The following C1orf146 variants were observed in gnomAD, a reference collection of about 807,000 sequenced individuals.
C1orf146 encodes the protein chromosome 1 open reading frame 146.
In C1orf146, 22 loss-of-function variants were observed where a neutral mutation model predicts 23.0. The ratio of observed to expected loss-of-function variants is 0.96; its 90% confidence interval spans 0.68 to 1.36. The LOEUF is 1.36. C1orf146 is among the 40% of genes most tolerant of loss of function. C1orf146 has a pLI of 0.00. For missense variants in C1orf146, 199 were observed against 206.8 expected (o/e 0.96, Z 0.23); for synonymous variants, 59 against 65.3 (o/e 0.90, Z 0.47).
At chr1:92,234,007 T>G (rs1652205160) in intron 2 of C1orf146, among the ~76,000 whole-genome samples, 1 of 152,230 alleles carries the variant, frequency 6.6e-6, no homozygotes, top group Non-Finnish European at 1.5e-5. Flanking sequence ...AAGGAGATTT[T>G]GGGCTGAGAC....
At chr1:92,219,822 A>C (rs59285614) in intron 1 of C1orf146, among the ~76,000 whole-genome samples, 8 of 151,962 alleles carry the variant, frequency 5.3e-5, no homozygotes. Context: ...GCCCAGCTCC[A>C]TGCTCCTGTT....
chr1:92,244,708 T>C, intron 4 of C1orf146, 71 bp from the exon 5 acceptor site: 1 of 982,156 alleles, frequency 1.0e-6, no homozygotes, highest in East Asian at 2.4e-5. Flanking sequence ...GATTTGTCTC[T>C]TCTTTCCACT....
At chr1:92,218,855 C>T (rs998332701) in intron 1 of C1orf146, among the ~76,000 whole-genome samples, 1 of 152,178 alleles carries the variant, frequency 6.6e-6, no homozygotes, top group African/African-American at 2.4e-5. Flanking sequence ...TGCTTGGCTG[C>T]TGGTCGAGGA....
chr1:92,238,022 C>T (rs532786599), intron 2 of C1orf146, among the ~76,000 whole-genome samples: 2 of 152,270 alleles, frequency 1.3e-5, no homozygotes, highest in Admixed American at 6.5e-5. Context: ...CTCCGCCTCT[C>T]GGGCTCAAGT....
intron 2 of C1orf146, among the ~76,000 whole-genome samples, chr1:92,241,878 A>G (rs1652438691): frequency 6.6e-6 from 1 of 152,128 alleles, no homozygotes; most frequent in Non-Finnish European, 1.5e-5. Context: ...GTGGGCAACA[A>G]AGTGAGACTT....
At chr1:92,231,555 AT>A (rs1652120807) in intron 2 of C1orf146, 69 bp downstream of exon 2, 1 of 1,039,152 alleles carries the variant, frequency 9.6e-7, no homozygotes. Context: ...ATAGAACAAC[AT>A]TTTAAAAGGT....
intron 2 of C1orf146, among the ~76,000 whole-genome samples, chr1:92,232,649 G>T (rs1228847411): frequency 1.3e-5 from 2 of 151,882 alleles, no homozygotes; most frequent in Non-Finnish European, 2.9e-5. Flanking sequence ...GGGTCAAATG[G>T]TATTTCTAGT....
rs964940319 is a variant in C1orf146 at position 92,231,495 on chromosome 1, G to A, written c.66+9G>A. 3.2e-6 allele frequency: 5 copies of A among 1,583,752 alleles called. No homozygotes were observed. The African/African-American group carries it at 6.8e-5, about 22-fold the overall frequency. On this transcript the variant is annotated intron_variant, in intron 2 of 5. Coordinates refer to ENST00000370375, the MANE Select transcript of C1orf146 (RefSeq NM_001012425.2). ...TTAGCTCATCTCTTAAGGTAAAGGG[G>A]CATTTGGGCCACTGATCTTTAACTT...
At chr1:92,231,545 A>G (rs1652120385) in intron 2 of C1orf146, 59 bp downstream of exon 2, 2 of 1,160,594 alleles carry the variant, frequency 1.7e-6, no homozygotes, top group Non-Finnish European at 2.5e-6. Flanking sequence ...CAGCTTTCAT[A>G]TAGAACAACA....
At chr1:92,226,952 CAG>C (rs1170091087) in intron 1 of C1orf146, among the ~76,000 whole-genome samples, 1 of 152,008 alleles carries the variant, frequency 6.6e-6, no homozygotes, top group African/African-American at 2.4e-5. Flanking sequence ...CTGATTAACT[CAG>C]AAATTACAAA....
intron 1 of C1orf146, chr1:92,229,295 G>T (rs1050953093): frequency 3.6e-6 from 2 of 552,082 alleles, no homozygotes; most frequent in African/African-American, 3.8e-5. Context: ...CACACTTCAT[G>T]ATGCAGTTGA....
At chr1:92,240,402 G>C (rs986800990) in intron 2 of C1orf146, among the ~76,000 whole-genome samples, 1 of 152,080 alleles carries the variant, frequency 6.6e-6, no homozygotes, top group African/African-American at 2.4e-5. Flanking sequence ...GTTGCCTTCA[G>C]CAGGCGGGTT....
chr1:92,218,711 C>G (rs895328497), intron 1 of C1orf146, among the ~76,000 whole-genome samples: 1 of 152,084 alleles, frequency 6.6e-6, no homozygotes, highest in Non-Finnish European at 1.5e-5. Context: ...TCCCCCGGTC[C>G]CGTCCCCCGC....
chr1:92,222,487 C>T (rs994415379), intron 1 of C1orf146, among the ~76,000 whole-genome samples: 1 of 149,740 alleles, frequency 6.7e-6, no homozygotes, highest in Admixed American at 6.6e-5. Flanking sequence ...CAAAGGTTTC[C>T]TCCTTCCCTT....
intron 2 of C1orf146, among the ~76,000 whole-genome samples, chr1:92,236,511 A>T (rs1190402900): frequency 2.0e-5 from 3 of 152,058 alleles, no homozygotes; most frequent in Non-Finnish European, 2.9e-5. Context: ...TTTGTGGGTA[A>T]CCCGACCTTT....
At chr1:92,238,905 T>G (rs1336483905) in intron 2 of C1orf146, among the ~76,000 whole-genome samples, 1 of 152,150 alleles carries the variant, frequency 6.6e-6, no homozygotes. Context: ...TTTTAAAGAT[T>G]TGACTCAGAT....
At chr1:92,239,068 C>A (rs186234812) in intron 2 of C1orf146, among the ~76,000 whole-genome samples, 1 of 152,098 alleles carries the variant, frequency 6.6e-6, no homozygotes, top group Non-Finnish European at 1.5e-5. Flanking sequence ...CTATTTGAAT[C>A]AAATTTTAGG....
chr1:92,245,810 A>G lies in C1orf146; in HGVS notation c.*136A>G, dbSNP rs1652614610. ...ATACAATTAAAAGTGATTTTATTTTAGGAGTTTCGCTGCAAGATTTAACGC... is the reference window on the plus strand; with the variant it reads ...ATACAATTAAAAGTGATTTTATTTTGGGAGTTTCGCTGCAAGATTTAACGC... On this transcript the variant is annotated 3_prime_UTR_variant, in exon 6 of 6. Transcript: ENST00000370375. 1 of 586,284 alleles carries G rather than the reference A, an allele frequency of 1.7e-6. No homozygotes were observed. Among genetic ancestry groups the G allele is most frequent in the Non-Finnish European group, 2.7e-6 (1 of 365,598 alleles). The allele number at this position is 586,284 out of a possible 1,614,324, so 36.3% of individuals were successfully genotyped here.
intron 2 of C1orf146, among the ~76,000 whole-genome samples, chr1:92,238,052 C>G (rs3103172): frequency 6.6e-6 from 1 of 151,928 alleles, no homozygotes; most frequent in African/African-American, 2.4e-5. Context: ...GCCTCAGCCT[C>G]CCAAGTAGCT....
Sources: gnomAD v4.1 joint callset for allele counts (sites outside exome capture counted in the v4.1 genomes callset) on GRCh38, gnomAD v4.1.1 for gene constraint, MANE v1.5 for transcripts, NCBI Gene and HGNC (gene_info 2026-07-23, HGNC 2026-07-21) for gene names.